The following MAGI3 variants were observed in gnomAD, a reference collection of about 807,000 sequenced individuals.
MAGI3 encodes membrane associated guanylate kinase, WW and PDZ domain containing 3, also known as membrane-associated guanylate kinase, WW and PDZ domain-containing protein 3.
MAGI3 carries 43 observed loss-of-function variants against 121.8 expected under a neutral mutation model. The ratio of observed to expected loss-of-function variants is 0.35; its 90% confidence interval spans 0.28 to 0.46. The LOEUF (loss-of-function observed/expected upper bound fraction) is 0.46, where lower values mean the gene tolerates loss of function less well. Among genes scored for constraint, MAGI3 ranks in the 20% least tolerant of loss-of-function variants. MAGI3 has a pLI of 1.00. For synonymous variants in MAGI3, 553 were observed against 639.3 expected (o/e 0.86, Z 2.04); for missense variants, 1,547 against 1,797.3 (o/e 0.86, Z 2.52).
chr1:113,530,611 A>G (rs1339281658), intron 1 of MAGI3, among the ~76,000 whole-genome samples: 3 of 152,122 alleles, frequency 2.0e-5, no homozygotes, highest in Non-Finnish European at 4.4e-5. Context: ...TTAAAAAAAA[A>G]AAAGACAACT....
intron 2 of MAGI3, among the ~76,000 whole-genome samples, chr1:113,557,274 TACTATGG>T (rs1660035086): frequency 6.6e-6 from 1 of 152,088 alleles, no homozygotes; most frequent in South Asian, 2.1e-4. Context: ...CACTGGCACA[TACTATGG>T]ACAGAGCTCT....
At chr1:113,640,126 A>G (rs949909317) in intron 9 of MAGI3, among the ~76,000 whole-genome samples, 2 of 152,266 alleles carry the variant, frequency 1.3e-5, no homozygotes, top group African/African-American at 4.8e-5. Context: ...AGCATATGAA[A>G]AAAAGCTCAA....
chr1:113,617,659 G>A (rs1281538387), intron 7 of MAGI3, among the ~76,000 whole-genome samples: 1 of 152,188 alleles, frequency 6.6e-6, no homozygotes, highest in Non-Finnish European at 1.5e-5. Flanking sequence ...GGGTGGCAAA[G>A]TGAGTCATTC....
chr1:113,544,009 T>A (rs769406839), intron 1 of MAGI3, among the ~76,000 whole-genome samples: 1 of 152,212 alleles, frequency 6.6e-6, no homozygotes, highest in African/African-American at 2.4e-5. Flanking sequence ...TTTAACAATG[T>A]ATATGGTATT....
intron 3 of MAGI3, among the ~76,000 whole-genome samples, chr1:113,583,743 T>TAGAAAATTTGC (rs1648187104): frequency 6.6e-6 from 1 of 150,976 alleles, no homozygotes; most frequent in Admixed American, 6.6e-5. Context: ...ACTTCTGAGC[T>TAGAAAATTTGC]AGAAAGTTTG....
intron 1 of MAGI3, among the ~76,000 whole-genome samples, chr1:113,479,042 G>C (rs1035940424): frequency 1.3e-5 from 2 of 152,200 alleles, no homozygotes; most frequent in Non-Finnish European, 2.9e-5. Flanking sequence ...CTGTGGGCGT[G>C]GGAGCTGCCA....
chr1:113,582,990 T>TA (rs903206612), intron 3 of MAGI3, among the ~76,000 whole-genome samples: 3 of 151,366 alleles, frequency 2.0e-5, no homozygotes, highest in Non-Finnish European at 3.0e-5. Context: ...CTTCAGAAAA[T>TA]AAAAAAAACT....
chr1:113,563,308 C>T (rs949228819), intron 2 of MAGI3, among the ~76,000 whole-genome samples: 7 of 152,154 alleles, frequency 4.6e-5, no homozygotes, highest in African/African-American at 1.7e-4. Flanking sequence ...TACCCATTGC[C>T]TCTTGGCTAT....
chr1:113,454,879 A>G (rs74111276), intron 1 of MAGI3, among the ~76,000 whole-genome samples: 13,005 of 152,212 alleles, frequency 0.085, 1,771 homozygotes, highest in African/African-American at 0.28. Flanking sequence ...ATCAACCTTG[A>G]AAAAGGGAAA....
At chr1:113,504,049 A>C (rs537751849) in intron 1 of MAGI3, among the ~76,000 whole-genome samples, 1 of 152,052 alleles carries the variant, frequency 6.6e-6, no homozygotes, top group Non-Finnish European at 1.5e-5. Context: ...AGAGTAAAAA[A>C]CTAGAAAAGA....
chr1:113,407,572 C>CT (rs60748388), intron 1 of MAGI3, among the ~76,000 whole-genome samples: 33,689 of 146,820 alleles, frequency 0.23, 3,968 homozygotes, highest in South Asian at 0.4. Context: ...ATCAATCTGT[C>CT]TTTTTTTTTT....
intron 9 of MAGI3, among the ~76,000 whole-genome samples, chr1:113,633,013 A>T (rs1038859211): frequency 6.8e-6 from 1 of 147,872 alleles, no homozygotes; most frequent in African/African-American, 2.5e-5. Context: ...TTAACTCGTC[A>T]TTTAGCATTA....
chr1:113,642,483 G>C lies in MAGI3; in HGVS notation c.1933G>C (p.Gly645Arg). Reference protein sequence around the residue: ...VVEVLKQFPVGADVPLLILRG... With the variant: ...VVEVLKQFPVRADVPLLILRG... ...AGAGGTGCTAAAGCAGTTTCCAGTAGGTGCTGATGTACCATTGCTTATCTT... is the reference window on the plus strand; with the variant it reads ...AGAGGTGCTAAAGCAGTTTCCAGTACGTGCTGATGTACCATTGCTTATCTT... The change falls in exon 10 of 21, where the codon GGT becomes CGT. Residue 645 changes from glycine (G) to arginine (R), a missense_variant. Coordinates refer to ENST00000307546, the MANE Select transcript of MAGI3 (RefSeq NM_001142782.2). The C allele has an allele frequency of 2.5e-6, 4 of 1,613,626 alleles. No individual in the cohort carries two copies. The highest frequency in any genetic ancestry group is 3.4e-6 in the Non-Finnish European group (4 of 1,179,660).
At chr1:113,398,925 A>AT (rs1429185330) in intron 1 of MAGI3, among the ~76,000 whole-genome samples, 1 of 152,086 alleles carries the variant, frequency 6.6e-6, no homozygotes, top group Non-Finnish European at 1.5e-5. Context: ...CTTAATTTAC[A>AT]TATCAGTTTC....
chr1:113,420,817 A>G (rs1652696832), intron 1 of MAGI3, among the ~76,000 whole-genome samples: 2 of 152,174 alleles, frequency 1.3e-5, no homozygotes, highest in Admixed American at 1.3e-4. Flanking sequence ...GGTAGACTCA[A>G]AAAGCTTTTC....
chr1:113,552,592 C>T (rs1659830004), intron 2 of MAGI3, among the ~76,000 whole-genome samples: 1 of 151,946 alleles, frequency 6.6e-6, no homozygotes, highest in Non-Finnish European at 1.5e-5. Context: ...TTTTATACTG[C>T]CCTCTGCCAC....
chr1:113,682,018 C>T (rs1457155347), intron 20 of MAGI3, among the ~76,000 whole-genome samples: 1 of 151,802 alleles, frequency 6.6e-6, no homozygotes, highest in Non-Finnish European at 1.5e-5. Context: ...CCCTACCCCA[C>T]CCCACCCCAC....
chr1:113,487,956 G>A (rs1258709342), intron 1 of MAGI3, among the ~76,000 whole-genome samples: 1 of 151,916 alleles, frequency 6.6e-6, no homozygotes, highest in Non-Finnish European at 1.5e-5. Context: ...TTAATTCTTT[G>A]TAGGAACAAG....
chr1:113,554,995 A>G (rs994038044), intron 2 of MAGI3, among the ~76,000 whole-genome samples: 3 of 152,082 alleles, frequency 2.0e-5, no homozygotes, highest in Non-Finnish European at 2.9e-5. Context: ...TTTTTGAAAA[A>G]GAAAATGCAA....
Sources: allele counts gnomAD v4.1 joint callset (sites outside exome capture counted in the v4.1 genomes callset), GRCh38; gene constraint gnomAD v4.1.1; transcripts MANE v1.5; gene names NCBI Gene and HGNC (gene_info 2026-07-23, HGNC 2026-07-21).